Variants in CDYL observed in about 807,000 individuals in gnomAD.
CDYL encodes chromodomain Y like.
Under a neutral mutation model 47.3 loss-of-function variants are expected in CDYL, and 8 were observed. The ratio of observed to expected loss-of-function variants is 0.17; its 90% CI spans 0.10 to 0.31. The LOEUF (loss-of-function observed/expected upper bound fraction) is 0.31. CDYL is among the 10% of genes least tolerant of loss of function. The pLI, the probability that CDYL is intolerant of heterozygous loss-of-function variation, is 1.00. For missense variants in CDYL, 471 were observed against 701.4 expected, an observed-to-expected ratio of 0.67 and a Z score of 3.71; for synonymous variants, 266 against 265.0, an observed-to-expected ratio of 1.00 and a Z score of -0.04.
At chr6:4,910,995 G>A (rs1210321648) in intron 2 of CDYL, among the ~76,000 whole-genome samples, 7 of 152,052 alleles carry the variant, frequency 4.6e-5, no homozygotes, top group African/African-American at 1.2e-4. Flanking sequence ...CACCACGCCC[G>A]GCTAATCTTT....
chr6:4,944,172 G>A (rs1456442993), intron 5 of CDYL, among the ~76,000 whole-genome samples: 2 of 152,140 alleles, frequency 1.3e-5, no homozygotes, highest in South Asian at 2.1e-4. Context: ...TGTTTAATCC[G>A]TTCATTATAG....
intron 1 of CDYL, among the ~76,000 whole-genome samples, chr6:4,861,024 C>T (rs907480391): frequency 3.3e-5 from 5 of 152,002 alleles, no homozygotes; most frequent in Non-Finnish European, 7.4e-5. Context: ...AGTTGACATT[C>T]GGGATTAACC....
intron 2 of CDYL, among the ~76,000 whole-genome samples, chr6:4,903,904 C>T (rs1290189951): frequency 6.6e-6 from 1 of 152,240 alleles, no homozygotes; most frequent in African/African-American, 2.4e-5. Context: ...TTTCTGGAAG[C>T]TCCATGCCTC....
chr6:4,879,959 CT>C (rs1446996689), intron 1 of CDYL, among the ~76,000 whole-genome samples: 1 of 152,146 alleles, frequency 6.6e-6, no homozygotes, highest in African/African-American at 2.4e-5. Context: ...TCGCACGCCC[CT>C]ACACACATAC....
chr6:4,862,675 T>C (rs188275373), intron 1 of CDYL, among the ~76,000 whole-genome samples: 1 of 152,318 alleles, frequency 6.6e-6, no homozygotes, highest in Non-Finnish European at 1.5e-5. Context: ...TTAGAACAGT[T>C]AATTAATTTG....
intron 1 of CDYL, among the ~76,000 whole-genome samples, chr6:4,810,455 G>A (rs966808003): frequency 6.6e-6 from 1 of 152,168 alleles, no homozygotes; most frequent in Non-Finnish European, 1.5e-5. Flanking sequence ...ATCAGTTGTT[G>A]TGACTGTATG....
chr6:4,792,237 AC>A (rs1176625028), intron 1 of CDYL, among the ~76,000 whole-genome samples: 1 of 151,732 alleles, frequency 6.6e-6, no homozygotes, highest in Non-Finnish European at 1.5e-5. Context: ...TCATTGGATC[AC>A]TTTTATTTTG....
intron 1 of CDYL, among the ~76,000 whole-genome samples, chr6:4,826,227 A>G (rs1354336106): frequency 6.6e-6 from 1 of 152,064 alleles, no homozygotes; most frequent in Non-Finnish European, 1.5e-5. Context: ...TTTATTTCTA[A>G]TTTTAGTTAT....
chr6:4,852,266 G>C (rs747305966), intron 1 of CDYL, among the ~76,000 whole-genome samples: 2 of 152,214 alleles, frequency 1.3e-5, no homozygotes, highest in Admixed American at 6.5e-5. Context: ...AGGAAGAGCT[G>C]TCACCAACTG....
intron 1 of CDYL, chr6:4,715,028 G>A (rs1373666239): frequency 6.6e-6 from 1 of 152,154 alleles, no homozygotes; most frequent in Non-Finnish European, 1.5e-5. Flanking sequence ...AGTCCAAAAG[G>A]TATAGACTTT....
intron 1 of CDYL, among the ~76,000 whole-genome samples, chr6:4,855,847 T>A (rs79743134): frequency 6.6e-6 from 1 of 152,200 alleles, no homozygotes; most frequent in Non-Finnish European, 1.5e-5. Context: ...TAGCTCTCAC[T>A]ATGCAGAGTG....
At chr6:4,723,018 T>C (rs1354313537) in intron 2 of CDYL, among the ~76,000 whole-genome samples, 1 of 152,194 alleles carries the variant, frequency 6.6e-6, no homozygotes, top group Non-Finnish European at 1.5e-5. Flanking sequence ...AAACAGCCTT[T>C]ATTGAATGCC....
chr6:4,888,884 A>G (rs1407767768), intron 1 of CDYL, among the ~76,000 whole-genome samples: 1 of 152,140 alleles, frequency 6.6e-6, no homozygotes, highest in African/African-American at 2.4e-5. Flanking sequence ...ATTTCTGCAT[A>G]TTTATGAATT....
chr6:4,775,994 T>A (rs964987839), upstream of CDYL, among the ~76,000 whole-genome samples: 1 of 149,510 alleles, frequency 6.7e-6, no homozygotes, highest in Non-Finnish European at 1.5e-5. This position sits in a 1 kb window ranked among gnomAD's most constrained non-coding sequence, Gnocchi z 7.0. Context: ...TCGCTGCCCG[T>A]CCTGGTGTGC....
At chr6:4,931,232 T>TA (rs1250082134) in intron 2 of CDYL, among the ~76,000 whole-genome samples, 1 of 152,170 alleles carries the variant, frequency 6.6e-6, no homozygotes, top group Admixed American at 6.5e-5. Context: ...ACCCTGCTCT[T>TA]ACACAGCTTG....
intron 2 of CDYL, among the ~76,000 whole-genome samples, chr6:4,895,447 GCATA>G (rs1762242043): frequency 8.6e-5 from 7 of 81,226 alleles, no homozygotes; most frequent in African/African-American, 3.2e-4. Flanking sequence ...ACGTATATAT[GCATA>G]TATACATGTA....
intron 1 of CDYL, among the ~76,000 whole-genome samples, chr6:4,783,813 C>T (rs1281367504): frequency 1.3e-5 from 2 of 152,098 alleles, no homozygotes; most frequent in African/African-American, 4.8e-5. Flanking sequence ...TTGGTTTCCT[C>T]TTGTTTAATA....
chr6:4,846,278 G>A (rs999539110), intron 1 of CDYL, among the ~76,000 whole-genome samples: 29 of 151,886 alleles, frequency 1.9e-4, no homozygotes, highest in African/African-American at 6.5e-4. Context: ...CAGGGTGCAC[G>A]GCAAATGTGG....
rs1033031554 is a variant in CDYL, at chr6:4,761,413, G to A, written c.186+26569G>A. 4.6e-5 allele frequency among the ~76,000 whole-genome samples: 7 copies of A among 152,058 alleles called. No homozygotes were observed. In the South Asian group the frequency reaches 6.2e-4, roughly 14 times the overall value. On this transcript the variant is annotated intron_variant, in intron 3 of 8. Coordinates refer to the CDYL transcript ENST00000328908. ...GGCTGGAGTGCAATGGCACAATCTC[G>A]GCTCGCTGCAAACTCCACCTCCCGG... is the stretch of plus-strand genomic sequence containing the variant.
Sources: allele counts gnomAD v4.1 joint callset (sites outside exome capture counted in the v4.1 genomes callset), GRCh38; gene constraint gnomAD v4.1.1; non-coding constraint Gnocchi (gnomAD v3.1); transcripts MANE v1.5; gene names NCBI Gene and HGNC (gene_info 2026-07-23, HGNC 2026-07-21).